Variants in TTLL5 observed in about 807,000 individuals in gnomAD.
TTLL5 encodes tubulin polyglutamylase TTLL5.
In TTLL5, 132 loss-of-function variants were observed where a neutral mutation model predicts 168.4. The observed-to-expected ratio is 0.78, with a 90% confidence interval of 0.68 to 0.91. TTLL5 has a LOEUF of 0.91. TTLL5 is among the 40% of genes least tolerant of loss of function. The pLI is 0.00. For synonymous variants in TTLL5, 546 were observed against 558.6 expected (o/e 0.98, Z 0.32); for missense variants, 1,545 against 1,581.5 (o/e 0.98, Z 0.39).
intron 27 of TTLL5, among the ~76,000 whole-genome samples, chr14:75,804,171 A>T (rs572910905): frequency 6.6e-6 from 1 of 152,020 alleles, no homozygotes. Flanking sequence ...TTTCATTTAG[A>T]TGGAGAGTGG....
At chr14:75,828,264 C>T (rs1261685597) in intron 28 of TTLL5, among the ~76,000 whole-genome samples, 1 of 152,090 alleles carries the variant, frequency 6.6e-6, no homozygotes, top group Non-Finnish European at 1.5e-5. Flanking sequence ...TTATATGTGG[C>T]TTTTCTTCCA....
intron 28 of TTLL5, among the ~76,000 whole-genome samples, chr14:75,820,422 G>A (rs1894758554): frequency 6.6e-6 from 1 of 152,034 alleles, no homozygotes; most frequent in Non-Finnish European, 1.5e-5. Flanking sequence ...TTTACACTAT[G>A]TTTAAACCTT....
intron 21 of TTLL5, among the ~76,000 whole-genome samples, chr14:75,773,923 T>TAGAGAGAGAGAG (rs1250809385): frequency 1.1e-4 from 3 of 27,728 alleles, no homozygotes; most frequent in Non-Finnish European, 6.8e-5. Flanking sequence ...TATATATATA[T>TAGAGAGAGAGAG]ATATAGAGAG....
At chr14:75,908,221 A>G (rs1325511622) in intron 31 of TTLL5, among the ~76,000 whole-genome samples, 3 of 152,262 alleles carry the variant, frequency 2.0e-5, no homozygotes, top group African/African-American at 7.2e-5. Context: ...AGAGTGGATC[A>G]GAGGGTCTCA....
At chr14:75,733,409 T>G (rs1314261897) in intron 13 of TTLL5, among the ~76,000 whole-genome samples, 1 of 152,094 alleles carries the variant, frequency 6.6e-6, no homozygotes, top group African/African-American at 2.4e-5. Flanking sequence ...GTTTTTGTTT[T>G]CATGTGGGTT....
At chr14:75,703,006 A>G (rs1299964906) in intron 7 of TTLL5, among the ~76,000 whole-genome samples, 5 of 152,218 alleles carry the variant, frequency 3.3e-5, no homozygotes, top group Admixed American at 2.0e-4. Flanking sequence ...CTCCTTACAC[A>G]AAAGGCATAA....
intron 21 of TTLL5, among the ~76,000 whole-genome samples, chr14:75,773,064 T>C (rs1433197121): frequency 2.0e-5 from 3 of 152,190 alleles, no homozygotes; most frequent in Admixed American, 2.0e-4. Flanking sequence ...GGTGACCTTA[T>C]TGTAATTTTT....
chr14:75,792,535 G>A (rs1892786930), intron 26 of TTLL5, among the ~76,000 whole-genome samples: 1 of 148,608 alleles, frequency 6.7e-6, no homozygotes, highest in East Asian at 2.0e-4. Flanking sequence ...GCCACAGACT[G>A]TTGACAAGTA....
intron 15 of TTLL5, among the ~76,000 whole-genome samples, chr14:75,743,948 T>A (rs1019666384): frequency 6.6e-6 from 1 of 152,134 alleles, no homozygotes; most frequent in Non-Finnish European, 1.5e-5. Context: ...TTCATCTGAC[T>A]TTAATTACCT....
chr14:75,853,752 C>T (rs1284532401), intron 28 of TTLL5, among the ~76,000 whole-genome samples: 1 of 152,122 alleles, frequency 6.6e-6, no homozygotes, highest in African/African-American at 2.4e-5. Context: ...ACTAAAAAAT[C>T]ATCTATTTTG....
At chr14:75,872,363 T>C (rs2031106033) in intron 29 of TTLL5, among the ~76,000 whole-genome samples, 1 of 152,248 alleles carries the variant, frequency 6.6e-6, no homozygotes, top group Non-Finnish European at 1.5e-5. Context: ...TAGATATGTT[T>C]GCTTTAAAAG....
intron 31 of TTLL5, among the ~76,000 whole-genome samples, chr14:75,908,768 T>C (rs2033248457): frequency 6.6e-6 from 1 of 152,112 alleles, no homozygotes; most frequent in Non-Finnish European, 1.5e-5. Flanking sequence ...TATTTTCTTA[T>C]TTTCTGTATG....
chr14:75,852,686 T>G (rs1896924883), intron 28 of TTLL5, among the ~76,000 whole-genome samples: 1 of 152,184 alleles, frequency 6.6e-6, no homozygotes, highest in Admixed American at 6.5e-5. Flanking sequence ...TTCTTTAGTA[T>G]TATAATTTTT....
intron 27 of TTLL5, among the ~76,000 whole-genome samples, chr14:75,813,258 CTGTGTGTGTGTT>C (rs1398572854): frequency 1.5e-4 from 17 of 116,708 alleles, no homozygotes; most frequent in South Asian, 8.9e-4. Context: ...TATCCAGGCA[CTGTGTGTGTGTT>C]TGTGTGTGTG....
intron 13 of TTLL5, among the ~76,000 whole-genome samples, chr14:75,732,894 CA>C (rs1888632418): frequency 6.6e-6 from 1 of 152,080 alleles, no homozygotes; most frequent in South Asian, 2.1e-4. Context: ...AAACTTCAAA[CA>C]ACTTAAAAAT....
intron 5 of TTLL5, among the ~76,000 whole-genome samples, chr14:75,685,995 T>C (rs1203181786): frequency 6.6e-6 from 1 of 152,184 alleles, no homozygotes; most frequent in Non-Finnish European, 1.5e-5. Context: ...AGGTGATTCT[T>C]ACATACACTA....
chr14:75,926,452 T>A (rs187687923), intron 31 of TTLL5, among the ~76,000 whole-genome samples: 1 of 152,314 alleles, frequency 6.6e-6, no homozygotes, highest in Admixed American at 6.5e-5. Flanking sequence ...ATCAATGGTC[T>A]TTACAATTTG....
intron 15 of TTLL5, among the ~76,000 whole-genome samples, chr14:75,742,695 T>C (rs1351709477): frequency 6.6e-6 from 1 of 152,116 alleles, no homozygotes; most frequent in Non-Finnish European, 1.5e-5. Context: ...CACACCAGGC[T>C]TTGCCAGTGG....
At chr14:75,799,885 A>G (rs570689027) in intron 27 of TTLL5, among the ~76,000 whole-genome samples, 2 of 152,260 alleles carry the variant, frequency 1.3e-5, no homozygotes, top group Non-Finnish European at 2.9e-5. Context: ...GCTTTTGCCT[A>G]TAGCTCTTAA....
Sources: gnomAD v4.1 joint callset for allele counts (sites outside exome capture counted in the v4.1 genomes callset) on GRCh38, gnomAD v4.1.1 for gene constraint, MANE v1.5 for transcripts, NCBI Gene and HGNC (gene_info 2026-07-23, HGNC 2026-07-21) for gene names.